The following NKAIN2 variants were observed in gnomAD, a reference collection of about 807,000 sequenced individuals.
NKAIN2 encodes sodium/potassium transporting ATPase interacting 2, also known as sodium/potassium-transporting ATPase subunit beta-1-interacting protein 2.
In NKAIN2, 14 loss-of-function variants were observed where a neutral mutation model predicts 32.6. That is an observed-to-expected ratio of 0.43 (90% confidence interval 0.28 to 0.67). The LOEUF (loss-of-function observed/expected upper bound fraction) is 0.67, where lower values mean the gene tolerates loss of function less well. Ranked by LOEUF, NKAIN2 falls within the 30% of genes least tolerant of loss-of-function variation. The pLI is 0.17. For missense variants in NKAIN2, 198 were observed against 258.3 expected (o/e 0.77, Z 1.60); for synonymous variants, 80 against 87.2 (o/e 0.92, Z 0.46).
chr6:124,654,239 G>A (rs1217708248), intron 3 of NKAIN2, among the ~76,000 whole-genome samples: 1 of 152,030 alleles, frequency 6.6e-6, no homozygotes, highest in Non-Finnish European at 1.5e-5. Flanking sequence ...AAGAACCGTG[G>A]ACAAGAAATG....
At chr6:124,409,515 G>T (rs1234600871) in intron 3 of NKAIN2, among the ~76,000 whole-genome samples, 5 of 152,116 alleles carry the variant, frequency 3.3e-5, no homozygotes, top group African/African-American at 1.2e-4. Flanking sequence ...TTCCTATGTT[G>T]GACCAGCCTT....
intron 3 of NKAIN2, among the ~76,000 whole-genome samples, chr6:124,469,910 T>A (rs1260689413): frequency 1.3e-5 from 2 of 152,168 alleles, no homozygotes; most frequent in Non-Finnish European, 2.9e-5. Flanking sequence ...CCACACTGCA[T>A]GCCCCTGAGA....
chr6:124,806,886 CAAAG>C (rs1449439055), intron 5 of NKAIN2, among the ~76,000 whole-genome samples: 24 of 152,152 alleles, frequency 1.6e-4, no homozygotes, highest in Admixed American at 1.4e-3. Context: ...TCAAAAGAGA[CAAAG>C]AAGGCCATTA....
chr6:123,898,189 C>G (rs1233557213), intron 1 of NKAIN2, among the ~76,000 whole-genome samples: 1 of 152,150 alleles, frequency 6.6e-6, no homozygotes, highest in Non-Finnish European at 1.5e-5. Flanking sequence ...ATGACATGGA[C>G]TTCCTTCACA....
intron 1 of NKAIN2, among the ~76,000 whole-genome samples, chr6:123,898,935 C>A (rs1055085724): frequency 1.3e-5 from 2 of 152,170 alleles, no homozygotes; most frequent in Non-Finnish European, 2.9e-5. Context: ...ATAACCTCAG[C>A]CACAAACTGA....
chr6:123,960,500 T>C (rs1467219204), intron 1 of NKAIN2, among the ~76,000 whole-genome samples: 1 of 152,094 alleles, frequency 6.6e-6, no homozygotes, highest in African/African-American at 2.4e-5. Flanking sequence ...CAAGGACACA[T>C]AGTGGCTCTG....
chr6:123,978,470 C>G (rs541423117), intron 1 of NKAIN2, among the ~76,000 whole-genome samples: 2 of 152,214 alleles, frequency 1.3e-5, no homozygotes, highest in South Asian at 4.2e-4. Flanking sequence ...AATATAGTAT[C>G]AGTGCAAATT....
At chr6:124,650,311 A>C (rs1219021353) in intron 3 of NKAIN2, among the ~76,000 whole-genome samples, 2 of 152,176 alleles carry the variant, frequency 1.3e-5, no homozygotes, top group Admixed American at 6.5e-5. Context: ...TCAGGGTACA[A>C]GGTTAATATG....
Position 124,009,001 on chromosome 6 carries a change from C to T in NKAIN2, c.54+204747C>T, listed in dbSNP as rs551361746. ...TGGGCATGTACTTTAAGACGGTATT[C>T]CATAAGTCTTTACATTTTATATTAC... On this transcript the variant is annotated intron_variant, in intron 1 of 6. Coordinates refer to ENST00000368417, the MANE Select transcript of NKAIN2 (RefSeq NM_001040214.3). Among the ~76,000 whole-genome samples, 3 of 152,180 alleles carry T rather than the reference C, an allele frequency of 2.0e-5. No individual in the cohort carries two copies. The South Asian group carries it at 6.2e-4, about 32-fold the overall frequency.
intron 3 of NKAIN2, among the ~76,000 whole-genome samples, chr6:124,649,075 G>GA (rs939961984): frequency 2.6e-5 from 4 of 151,208 alleles, no homozygotes; most frequent in Non-Finnish European, 5.9e-5. Context: ...ATCACTCTAG[G>GA]AAAAAAAAGA....
At chr6:124,611,802 A>T (rs1045010038) in intron 3 of NKAIN2, among the ~76,000 whole-genome samples, 4 of 152,156 alleles carry the variant, frequency 2.6e-5, no homozygotes, top group African/African-American at 9.7e-5. Context: ...CTTTGCTAAG[A>T]TCGCTTAAGT....
chr6:124,085,661 G>T (rs890223653), intron 1 of NKAIN2, among the ~76,000 whole-genome samples: 9 of 151,766 alleles, frequency 5.9e-5, no homozygotes, highest in Non-Finnish European at 7.4e-5. Context: ...TGTACCAAGG[G>T]ACAATTATGT....
intron 3 of NKAIN2, among the ~76,000 whole-genome samples, chr6:124,497,430 T>G (rs2114738689): frequency 6.6e-6 from 1 of 152,274 alleles, no homozygotes; most frequent in Non-Finnish European, 1.5e-5. Context: ...CGCTAGGGCT[T>G]TTCACAGCGA....
At chr6:124,707,009 G>T (rs1374839729) in intron 4 of NKAIN2, among the ~76,000 whole-genome samples, 3 of 84,652 alleles carry the variant, frequency 3.5e-5, no homozygotes, top group Non-Finnish European at 6.8e-5. Context: ...CCCCACCACA[G>T]TCCCCAAAGT....
intron 1 of NKAIN2, among the ~76,000 whole-genome samples, chr6:124,103,687 A>C (rs1784989782): frequency 6.6e-6 from 1 of 152,214 alleles, no homozygotes; most frequent in African/African-American, 2.4e-5. Flanking sequence ...GAAGCATTAA[A>C]AGGTTTTTTT....
chr6:124,141,533 T>A (rs1787138455), intron 1 of NKAIN2, among the ~76,000 whole-genome samples: 1 of 152,102 alleles, frequency 6.6e-6, no homozygotes, highest in African/African-American at 2.4e-5. Flanking sequence ...GCTTCTGGCT[T>A]AAAATTCAAT....
Position 123,926,459 on chromosome 6 carries a change from G to A in NKAIN2, c.54+122205G>A, listed in dbSNP as rs150626114. On this transcript the variant is annotated intron_variant, in intron 1 of 6. Transcript: ENST00000368417. Reference sequence around the variant, plus strand: ...GTGTTCCCCAGATGCCCACTGCTCCGTTCCCCAGATTGCTGCTGCAGTGTT... The same window carrying A: ...GTGTTCCCCAGATGCCCACTGCTCCATTCCCCAGATTGCTGCTGCAGTGTT... Among the ~76,000 whole-genome samples the A allele has an allele frequency of 6.5e-4, 99 of 151,828 alleles. 1 individual carries two copies. In the East Asian group the frequency reaches 0.017, roughly 27 times the overall value.
chr6:124,258,255 C>A lies in NKAIN2; in HGVS notation c.55-24750C>A, dbSNP rs181249938. Among the ~76,000 whole-genome samples the A allele has an allele frequency of 3.3e-5, 5 of 152,020 alleles. No homozygotes were observed. The East Asian group carries it at 7.7e-4, about 23-fold the overall frequency. The stretch of plus-strand genomic sequence containing the variant: ...CCAGGCAGCATGGTTCCAAAGCCTG[C>A]ACTCACACAACTCTGTAGATTTGTA... On this transcript the variant is annotated intron_variant, in intron 1 of 6. Coordinates refer to ENST00000368417, the MANE Select transcript of NKAIN2 (RefSeq NM_001040214.3).
chr6:124,234,050 T>C (rs914650050), intron 1 of NKAIN2, among the ~76,000 whole-genome samples: 1 of 152,314 alleles, frequency 6.6e-6, no homozygotes, highest in South Asian at 2.1e-4. Flanking sequence ...CTTGGATCTA[T>C]GTACCTCAGA....
Sources: allele counts gnomAD v4.1 joint callset (sites outside exome capture counted in the v4.1 genomes callset), GRCh38; gene constraint gnomAD v4.1.1; transcripts MANE v1.5; gene names NCBI Gene and HGNC (gene_info 2026-07-23, HGNC 2026-07-21).